Variants in NHEJ1 observed in about 807,000 individuals in gnomAD.
NHEJ1 encodes the protein non-homologous end-joining factor 1.
In NHEJ1, 22 loss-of-function variants were observed where a neutral mutation model predicts 39.4. The observed-to-expected ratio is 0.56, with a 90% confidence interval of 0.40 to 0.80. NHEJ1 has a LOEUF of 0.80. NHEJ1 is among the 30% of genes least tolerant of loss of function. NHEJ1 has a pLI of 0.00. For synonymous variants in NHEJ1, 154 were observed against 135.6 expected, an observed-to-expected ratio of 1.14 and a Z score of -0.94; for missense variants, 329 against 357.1, an observed-to-expected ratio of 0.92 and a Z score of 0.63.
At chr2:219,133,521 C>G (rs992235961) in intron 5 of NHEJ1, among the ~76,000 whole-genome samples, 1 of 152,156 alleles carries the variant, frequency 6.6e-6, no homozygotes, top group Non-Finnish European at 1.5e-5. Context: ...TGTAAGCTAA[C>G]AGGGAGAGAA....
At chr2:219,100,646 T>C (rs1949248396) in intron 5 of NHEJ1, among the ~76,000 whole-genome samples, 2 of 146,250 alleles carry the variant, frequency 1.4e-5, no homozygotes, top group Non-Finnish European at 1.5e-5. Flanking sequence ...GAAATATGAC[T>C]AAGAATACAG....
chr2:219,126,923 G>A (rs942641961), intron 5 of NHEJ1, among the ~76,000 whole-genome samples: 4 of 152,244 alleles, frequency 2.6e-5, no homozygotes, highest in African/African-American at 9.6e-5. Context: ...ACTGATAGCA[G>A]TTCACTGTGG....
chr2:219,121,495 A>AT (rs775444760), intron 5 of NHEJ1, among the ~76,000 whole-genome samples: 5 of 151,756 alleles, frequency 3.3e-5, no homozygotes, highest in East Asian at 3.9e-4. Flanking sequence ...TATTGTTCTG[A>AT]TTTTTTCTAT....
intron 5 of NHEJ1, among the ~76,000 whole-genome samples, chr2:219,080,766 T>C (rs1470840851): frequency 6.6e-6 from 1 of 151,652 alleles, no homozygotes; most frequent in Non-Finnish European, 1.5e-5. Context: ...ACCATTTTTG[T>C]GTTTTCTACT....
intron 5 of NHEJ1, among the ~76,000 whole-genome samples, chr2:219,103,004 C>CA (rs34361973): frequency 0.74 from 23,484 of 31,538 alleles, 9,732 homozygotes; most frequent in Non-Finnish European, 0.86. Flanking sequence ...GACTCCGTCT[C>CA]AAAAAAAAAA....
chr2:219,158,363 C>A lies in NHEJ1; in HGVS notation c.1-1G>T. On this transcript the variant is annotated splice_acceptor_variant, in intron 1 of 7. Coordinates refer to ENST00000356853, the MANE Select transcript of NHEJ1 (RefSeq NM_024782.3). LOFTEE classifies it low-confidence loss of function (5UTR_SPLICE). Reference sequence around the variant, plus strand: ...ACAGGCCTTGCTCCAGTTCTTCCATCTGCAAAAAAGTCCTCATTTAGTAAA... The same window carrying A: ...ACAGGCCTTGCTCCAGTTCTTCCATATGCAAAAAAGTCCTCATTTAGTAAA... The A allele has an allele frequency of 6.2e-7, 1 of 1,614,008 alleles. No homozygotes were observed. Among genetic ancestry groups the A allele is most frequent in the Non-Finnish European group, 8.5e-7 (1 of 1,180,022 alleles).
intron 5 of NHEJ1, among the ~76,000 whole-genome samples, chr2:219,120,849 G>A (rs865940113): frequency 3.9e-5 from 6 of 151,930 alleles, no homozygotes; most frequent in Admixed American, 2.0e-4. Flanking sequence ...TCCTAACCTC[G>A]TCCTCTAATT....
chr2:219,145,834 A>C (rs538555406), intron 5 of NHEJ1, among the ~76,000 whole-genome samples: 3 of 152,124 alleles, frequency 2.0e-5, no homozygotes, highest in African/African-American at 7.2e-5. Context: ...CAGGAGGTTG[A>C]GGCAGGATAA....
intron 5 of NHEJ1, among the ~76,000 whole-genome samples, chr2:219,080,636 T>G (rs1559185920): frequency 7.1e-6 from 1 of 140,410 alleles, no homozygotes; most frequent in Admixed American, 7.1e-5. Flanking sequence ...CTAATATATA[T>G]AAGCTTATAT....
Position 219,069,906 on chromosome 2 carries a change from T to C in NHEJ1, c.*6475A>G, listed in dbSNP as rs1948941023. The C allele has an allele frequency of 1.3e-5, 2 of 152,226 alleles. No individual in the cohort carries two copies. The highest frequency in any genetic ancestry group is 1.5e-5 in the Non-Finnish European group (1 of 68,040). The allele number at this position is 152,226 out of a possible 1,614,324, so 9.4% of individuals were successfully genotyped here. A position where few individuals can be genotyped will look rare whatever the true frequency, so the allele number is the denominator to read the frequency against. On this transcript the variant is annotated 3_prime_UTR_variant, in exon 8 of 8. Transcript: ENST00000356853. ...AAATCCAATGGGAAAACATTCCAGA[T>C]TGCTATAAAGCAATTCAAGGGAATG...
Position 219,076,268 on chromosome 2 carries a change from G to A in NHEJ1, c.*113C>T. On this transcript the variant is annotated 3_prime_UTR_variant, in exon 8 of 8. Coordinates refer to ENST00000356853, the MANE Select transcript of NHEJ1 (RefSeq NM_024782.3). ...CTTCAGTTCTCTCGCCCTTACAGGA[G>A]GCCTCTGACTGTATCACTATTTTAG... is the stretch of plus-strand genomic sequence containing the variant. The A allele has an allele frequency of 6.3e-7, 1 of 1,590,490 alleles. No individual in the cohort carries two copies. The highest frequency in any genetic ancestry group is 8.6e-7 in the Non-Finnish European group (1 of 1,168,008).
intron 5 of NHEJ1, among the ~76,000 whole-genome samples, chr2:219,124,344 T>C (rs183642021): frequency 6.6e-6 from 1 of 152,328 alleles, no homozygotes; most frequent in Non-Finnish European, 1.5e-5. Context: ...GGTTCCATTC[T>C]GGAGCTAAAT....
chr2:219,099,471 A>T (rs928689188), intron 5 of NHEJ1, among the ~76,000 whole-genome samples: 1 of 152,208 alleles, frequency 6.6e-6, no homozygotes, highest in African/African-American at 2.4e-5. Flanking sequence ...AGTCAACATA[A>T]TTAGAGAAGT....
In NHEJ1 at chr2:219,159,542, TATATATATGC is replaced by T. The variant is rs1227358616; in HGVS notation, c.-1+1168_-1+1177del. The stretch of plus-strand genomic sequence containing the variant: ...ATATATATGCATATATATATGCATA[TATATATATGC>T]ATATATATATGCATATATATATGCA... On this transcript the variant is annotated intron_variant, in intron 1 of 7. Transcript: ENST00000356853. 5.7e-3 allele frequency among the ~76,000 whole-genome samples: 195 copies of T among 34,308 alleles called. 18 individuals are homozygous for T. Among genetic ancestry groups the T allele is most frequent in the African/African-American group, 0.013 (170 of 13,522 alleles). 22.5% of individuals were successfully genotyped at this position (34,308 alleles called of 152,430 possible). A position where few individuals can be genotyped will look rare whatever the true frequency, so the allele number is the denominator to read the frequency against.
intron 2 of NHEJ1, 81 bp downstream of exon 2, chr2:219,158,105 A>G: frequency 4.8e-6 from 7 of 1,469,338 alleles, no homozygotes; most frequent in Non-Finnish European, 6.6e-6. Flanking sequence ...AACCCGATTC[A>G]ACCTTCCTTG....
intron 5 of NHEJ1, among the ~76,000 whole-genome samples, chr2:219,091,879 T>C (rs939373208): frequency 6.6e-6 from 1 of 152,196 alleles, no homozygotes; most frequent in Non-Finnish European, 1.5e-5. Flanking sequence ...CTTTGCTTAA[T>C]AGCAGGAGAT....
intron 5 of NHEJ1, among the ~76,000 whole-genome samples, chr2:219,135,043 T>TAAAAAAAAAAAAAAAAA (rs59843524): frequency 9.1e-6 from 1 of 110,418 alleles, no homozygotes; most frequent in Admixed American, 9.4e-5. Flanking sequence ...CCGTCTCAAT[T>TAAAAAAAAAAAAAAAAA]AAAAAAAAAA....
chr2:219,132,455 C>T (rs1949587755), intron 5 of NHEJ1, among the ~76,000 whole-genome samples: 1 of 152,194 alleles, frequency 6.6e-6, no homozygotes, highest in Non-Finnish European at 1.5e-5. Context: ...GCAGTATTAT[C>T]CCATCTCAAA....
chr2:219,136,247 G>GAGAC (rs939874249), intron 5 of NHEJ1, among the ~76,000 whole-genome samples: 1 of 150,368 alleles, frequency 6.7e-6, no homozygotes. Context: ...TTCTTTTTCT[G>GAGAC]AGACAGTGTC....
Sources: allele counts gnomAD v4.1 joint callset (sites outside exome capture counted in the v4.1 genomes callset), GRCh38; gene constraint gnomAD v4.1.1; transcripts MANE v1.5; gene names NCBI Gene and HGNC (gene_info 2026-07-23, HGNC 2026-07-21).